TASP1: variants seen among roughly 807,000 people sequenced by gnomAD.
TASP1 encodes the protein threonine aspartase 1.
TASP1 carries 16 observed loss-of-function variants against 56.6 expected under a neutral mutation model. That is an observed-to-expected ratio of 0.28 (90% CI 0.19 to 0.43). The LOEUF (loss-of-function observed/expected upper bound fraction) is 0.43. TASP1 is among the 20% of genes least tolerant of loss of function. TASP1 has a pLI of 1.00. For synonymous variants in TASP1, 179 were observed against 184.2 expected, an observed-to-expected ratio of 0.97 and a Z score of 0.23; for missense variants, 393 against 511.6, an observed-to-expected ratio of 0.77 and a Z score of 2.24.
the TASP1 span, among the ~76,000 whole-genome samples, chr20:13,275,662 TAA>T: frequency 6.6e-6 from 1 of 152,208 alleles, no homozygotes; most frequent in Non-Finnish European, 1.5e-5. Flanking sequence ...ATACTATATA[TAA>T]GTGTGATTAT....
At chr20:13,366,608 A>G in the TASP1 span, among the ~76,000 whole-genome samples, 11 of 152,244 alleles carry the variant, frequency 7.2e-5, no homozygotes, top group South Asian at 2.3e-3. Flanking sequence ...CTAGCCGCCT[A>G]TGTGGTTGAT....
chr20:13,601,384 A>T (rs2047951533), intron 4 of TASP1, among the ~76,000 whole-genome samples: 1 of 152,230 alleles, frequency 6.6e-6, no homozygotes, highest in Admixed American at 6.5e-5. Flanking sequence ...TCAAAGGGCC[A>T]CAAGGGCCAA....
At chr20:13,524,794 C>T (rs1175339716) in intron 10 of TASP1, among the ~76,000 whole-genome samples, 2 of 152,262 alleles carry the variant, frequency 1.3e-5, no homozygotes, top group South Asian at 2.1e-4. Context: ...ACAGAGCTGC[C>T]ACTGCCTCTA....
chr20:13,308,143 G>A, the TASP1 span, among the ~76,000 whole-genome samples: 5 of 152,018 alleles, frequency 3.3e-5, no homozygotes, highest in African/African-American at 7.3e-5. Flanking sequence ...AACTCAATAC[G>A]TGCATACTGA....
the TASP1 span, among the ~76,000 whole-genome samples, chr20:13,158,513 C>T: frequency 6.6e-6 from 1 of 152,152 alleles, no homozygotes; most frequent in Non-Finnish European, 1.5e-5. Flanking sequence ...GATCATGGGT[C>T]AGGTGGTTTG....
the TASP1 span, among the ~76,000 whole-genome samples, chr20:13,347,487 G>A: frequency 6.6e-6 from 1 of 152,132 alleles, no homozygotes; most frequent in Non-Finnish European, 1.5e-5. Context: ...GATTGTCTTG[G>A]GTAAGTGAAA....
At chr20:13,159,155 A>G in the TASP1 span, among the ~76,000 whole-genome samples, 1 of 152,320 alleles carries the variant, frequency 6.6e-6, no homozygotes, top group East Asian at 1.9e-4. Context: ...TGTTACAGAG[A>G]TTAGCTCTGG....
chr20:13,531,812 AT>A (rs1202173854), intron 9 of TASP1, among the ~76,000 whole-genome samples: 3 of 152,074 alleles, frequency 2.0e-5, no homozygotes, highest in African/African-American at 7.2e-5. Context: ...TTACAGGCTT[AT>A]ACCACCACGC....
the TASP1 span, among the ~76,000 whole-genome samples, chr20:13,336,173 C>A: frequency 6.6e-6 from 1 of 152,176 alleles, no homozygotes; most frequent in South Asian, 2.1e-4. Context: ...GAGTTTCAAC[C>A]AGGGCTGCTT....
chr20:13,456,479 A>T (rs915516772), intron 11 of TASP1, among the ~76,000 whole-genome samples: 1 of 152,048 alleles, frequency 6.6e-6, no homozygotes, highest in Non-Finnish European at 1.5e-5. Context: ...AAAACCTGTA[A>T]AGGGTGCCAA....
chr20:13,220,332 C>A, the TASP1 span, among the ~76,000 whole-genome samples: 2 of 152,258 alleles, frequency 1.3e-5, no homozygotes, highest in South Asian at 4.1e-4. Flanking sequence ...CGCTCGGACT[C>A]CGCGCCCTCA....
At chr20:13,208,500 TTATC>T in the TASP1 span, among the ~76,000 whole-genome samples, 3 of 152,190 alleles carry the variant, frequency 2.0e-5, no homozygotes, top group African/African-American at 7.2e-5. Context: ...ACTCTTCCCT[TTATC>T]TATACCCTCT....
At chr20:13,597,265 T>C (rs1281041523) in intron 4 of TASP1, among the ~76,000 whole-genome samples, 1 of 152,168 alleles carries the variant, frequency 6.6e-6, no homozygotes, top group Non-Finnish European at 1.5e-5. Flanking sequence ...TTGTTGAACA[T>C]CGATGCAAAA....
intron 11 of TASP1, among the ~76,000 whole-genome samples, chr20:13,451,707 T>C (rs1393845021): frequency 1.3e-5 from 2 of 152,096 alleles, no homozygotes; most frequent in Non-Finnish European, 2.9e-5. Context: ...TACCAAGCTG[T>C]TTCACTTCCT....
chr20:13,520,295 A>G (rs2044693819), intron 10 of TASP1, among the ~76,000 whole-genome samples: 1 of 152,220 alleles, frequency 6.6e-6, no homozygotes. Flanking sequence ...ATGAAACCAA[A>G]AAAGAGCCCA....
chr20:13,385,822 C>T (rs976524274), downstream of TASP1, among the ~76,000 whole-genome samples: 3 of 152,218 alleles, frequency 2.0e-5, no homozygotes, highest in African/African-American at 7.2e-5. Context: ...TTATCGCACC[C>T]AAGTAGCAAA....
At chr20:13,505,693 T>A (rs1044319612) in intron 10 of TASP1, among the ~76,000 whole-genome samples, 1 of 152,018 alleles carries the variant, frequency 6.6e-6, no homozygotes, top group African/African-American at 2.4e-5. Context: ...AAAAGGGAAA[T>A]TTTAAAATAT....
the TASP1 span, among the ~76,000 whole-genome samples, chr20:13,366,944 A>G: frequency 1.3e-5 from 2 of 152,124 alleles, no homozygotes; most frequent in East Asian, 3.8e-4. Flanking sequence ...CAGCTCAGTA[A>G]TTGGTTTTAG....
the TASP1 span, among the ~76,000 whole-genome samples, chr20:13,139,396 T>C: frequency 6.6e-6 from 1 of 152,168 alleles, no homozygotes; most frequent in Non-Finnish European, 1.5e-5. Flanking sequence ...TAGAAATTCA[T>C]TTTTTCCTAA....
Sources: gnomAD v4.1 joint callset for allele counts (sites outside exome capture counted in the v4.1 genomes callset) on GRCh38, gnomAD v4.1.1 for gene constraint, MANE v1.5 for transcripts, NCBI Gene and HGNC (gene_info 2026-07-23, HGNC 2026-07-21) for gene names.